The following ATP10A variants were observed in gnomAD, a reference collection of about 807,000 sequenced individuals.
ATP10A encodes the protein ATPase phospholipid transporting 10A (putative).
Under a neutral mutation model 147.8 loss-of-function variants are expected in ATP10A, and 111 were observed. That is an observed-to-expected ratio of 0.75 (90% CI 0.64 to 0.88). The LOEUF is 0.88. ATP10A is among the 40% of genes least tolerant of loss of function. The probability of loss-of-function intolerance (pLI) is 0.00; values close to 1 mark genes in which losing one functional copy is unlikely to be tolerated. For missense variants in ATP10A, 1,927 were observed against 1,959.0 expected (o/e 0.98, Z 0.31); for synonymous variants, 875 against 841.6 (o/e 1.04, Z -0.69).
At chr15:25,733,514 G>A (rs1234607534) in intron 3 of ATP10A, among the ~76,000 whole-genome samples, 2 of 152,146 alleles carry the variant, frequency 1.3e-5, no homozygotes, top group Admixed American at 1.3e-4. Flanking sequence ...CCTTGGTCGT[G>A]CCCCACAGTC....
At chr15:25,817,750 T>C (rs1184632759) in intron 1 of ATP10A, among the ~76,000 whole-genome samples, 2 of 152,236 alleles carry the variant, frequency 1.3e-5, no homozygotes, top group African/African-American at 2.4e-5. Context: ...TATCCACCTC[T>C]ACACATTATT....
chr15:25,702,877 G>A (rs752025275), intron 12 of ATP10A, among the ~76,000 whole-genome samples: 18 of 151,816 alleles, frequency 1.2e-4, no homozygotes, highest in Non-Finnish European at 2.2e-4. Flanking sequence ...CCTTTACTGC[G>A]CTACACCATG....
chr15:25,811,854 A>G (rs529928481), intron 1 of ATP10A, among the ~76,000 whole-genome samples: 1 of 152,280 alleles, frequency 6.6e-6, no homozygotes, highest in East Asian at 1.9e-4. Context: ...AGCTGGCTGC[A>G]CCTGCATGGA....
chr15:25,718,122 G>A (rs1350036523), intron 8 of ATP10A, 60 bp downstream of exon 8: 27 of 1,541,502 alleles, frequency 1.8e-5, no homozygotes, highest in African/African-American at 5.4e-5. Flanking sequence ...CATGAGCGGG[G>A]GATGGTGAAA....
Position 25,703,814 on chromosome 15 carries a change from C to T in ATP10A, c.2576-1714G>A, listed in dbSNP as rs552063275. 2.0e-5 allele frequency among the ~76,000 whole-genome samples: 3 copies of T among 152,356 alleles called. No homozygotes were observed. In the South Asian group the frequency reaches 6.2e-4, roughly 32 times the overall value. ...GTGGCTGATCTGCTGTCTTCCAGCT[C>T]AGGTAGCCTGGGCCTAGCTCCCATG... On this transcript the variant is annotated intron_variant, in intron 12 of 20. Coordinates refer to ENST00000555815, the MANE Select transcript of ATP10A (RefSeq NM_024490.4).
intron 12 of ATP10A, 69 bp downstream of exon 12, chr15:25,707,907 C>T: frequency 6.3e-7 from 1 of 1,579,330 alleles, no homozygotes; most frequent in Non-Finnish European, 8.7e-7. Flanking sequence ...GACAAGAGCA[C>T]TCACCCCTCC....
chr15:25,844,222 G>A (rs925553207), intron 1 of ATP10A, among the ~76,000 whole-genome samples: 33 of 152,184 alleles, frequency 2.2e-4, no homozygotes, highest in Non-Finnish European at 4.6e-4. Context: ...TCATAAAGAC[G>A]AGGGGAGAAT....
At chr15:25,683,146 C>T in intron 17 of ATP10A, 140 bp downstream of exon 17, 2 of 790,970 alleles carry the variant, frequency 2.5e-6, no homozygotes, top group South Asian at 1.8e-5. Flanking sequence ...TTTTCTCCAT[C>T]CTCTAGAATG....
At chr15:25,757,890 C>T (rs1412231453) in intron 2 of ATP10A, among the ~76,000 whole-genome samples, 3 of 70,270 alleles carry the variant, frequency 4.3e-5, no homozygotes, top group Admixed American at 1.8e-4. Flanking sequence ...TCCACCCTAA[C>T]TCATTCCTAT....
At chr15:25,834,869 T>C (rs558800887) in intron 1 of ATP10A, among the ~76,000 whole-genome samples, 1 of 152,332 alleles carries the variant, frequency 6.6e-6, no homozygotes, top group South Asian at 2.1e-4. Flanking sequence ...CAAAGGACCA[T>C]GTATTACACA....
intron 1 of ATP10A, among the ~76,000 whole-genome samples, chr15:25,830,337 A>G (rs975725535): frequency 4.6e-5 from 7 of 152,178 alleles, no homozygotes; most frequent in African/African-American, 1.4e-4. Flanking sequence ...AAGGGGTGGA[A>G]GTGTCCCTCT....
chr15:25,750,250 T>C (rs1222208561), intron 2 of ATP10A, among the ~76,000 whole-genome samples: 3 of 151,872 alleles, frequency 2.0e-5, no homozygotes, highest in Non-Finnish European at 2.9e-5. Flanking sequence ...AGATATTTCA[T>C]TACAAACAAT....
intron 2 of ATP10A, among the ~76,000 whole-genome samples, chr15:25,754,726 C>T (rs1212109565): frequency 6.6e-6 from 1 of 152,144 alleles, no homozygotes; most frequent in Admixed American, 6.5e-5. Flanking sequence ...CTGCCTTTTT[C>T]ATGTATATTT....
intron 2 of ATP10A, among the ~76,000 whole-genome samples, chr15:25,754,765 A>C (rs1334526854): frequency 6.6e-6 from 1 of 152,180 alleles, no homozygotes; most frequent in African/African-American, 2.4e-5. Flanking sequence ...TATTTACAGA[A>C]GTGGAAAAAT....
intron 1 of ATP10A, among the ~76,000 whole-genome samples, chr15:25,809,891 A>G (rs910349082): frequency 1.3e-5 from 2 of 152,138 alleles, no homozygotes; most frequent in Admixed American, 1.3e-4. Context: ...TGGGTCACCC[A>G]TGAAGAAGTG....
At chr15:25,701,190 G>T (rs1305571714) in intron 13 of ATP10A, among the ~76,000 whole-genome samples, 1 of 152,170 alleles carries the variant, frequency 6.6e-6, no homozygotes, top group Non-Finnish European at 1.5e-5. Flanking sequence ...AGATGAGTGG[G>T]GGCTGCTGCA....
In ATP10A at chr15:25,716,885, C is replaced by A; in HGVS notation, c.1621G>T (p.Val541Leu). 6.2e-7 allele frequency: 1 copy of A among 1,601,268 alleles called. No individual in the cohort carries two copies. The highest frequency in any genetic ancestry group is 8.5e-7 in the Non-Finnish European group (1 of 1,173,568). Residue 541 changes from valine to leucine, a missense_variant, in exon 9 of 21, where the codon GTG becomes TTG. Physicochemically the swap from Val to Leu is conservative, Grantham distance 32 (BLOSUM62 1). Transcript: ENST00000555815. Reference sequence around the variant, plus strand: ...GCTAGGCTCTTGTCACACTCACTCACCTTCTCCAGCAGCTTTGGGTCGGGC... The same window carrying A: ...GCTAGGCTCTTGTCACACTCACTCAACTTCTCCAGCAGCTTTGGGTCGGGC... ...ITPDPKLLEK[V>L]SECDKSLAVA...
intron 1 of ATP10A, chr15:25,862,064 CG>C (rs1244072413): frequency 3.0e-6 from 1 of 331,950 alleles, no homozygotes; most frequent in Non-Finnish European, 6.0e-6. Flanking sequence ...AGGCAGCTAC[CG>C]GGCGGTGCCT....
chr15:25,781,136 C>T lies in ATP10A; in HGVS notation c.537G>A (p.Ala179=), dbSNP rs368423957. The change falls in exon 2 of 21, where the codon GCG becomes GCA. Residue 179 remains alanine (A), a synonymous_variant. Transcript: ENST00000555815. ...VRLRCNEIFP[A]DILLLSSSDP... is the part of the protein sequence containing the mutation. ...CACTGGAGGAGAGCAGCAGAATGTC[C>T]GCAGGGAAGATTTCGTTGCAGCGAA... 134 of 1,614,060 alleles carry T rather than the reference C, an allele frequency of 8.3e-5. No homozygotes were observed. Among genetic ancestry groups the T allele is most frequent in the Middle Eastern group, 3.3e-4 (2 of 6,084 alleles).
Sources: gnomAD v4.1 joint callset for allele counts (sites outside exome capture counted in the v4.1 genomes callset) on GRCh38, gnomAD v4.1.1 for gene constraint, MANE v1.5 for transcripts, NCBI Gene and HGNC (gene_info 2026-07-23, HGNC 2026-07-21) for gene names.